ADAMTS19: variants seen among roughly 807,000 people sequenced by gnomAD.
The protein encoded by ADAMTS19 is A disintegrin and metalloproteinase with thrombospondin motifs 19.
Under a neutral mutation model 153.3 loss-of-function variants are expected in ADAMTS19, and 93 were observed. The ratio of observed to expected loss-of-function variants is 0.61; its 90% confidence interval spans 0.51 to 0.72. The LOEUF (loss-of-function observed/expected upper bound fraction) is 0.72. ADAMTS19 is among the 30% of genes least tolerant of loss of function. The probability of loss-of-function intolerance (pLI) is 0.00; values close to 1 mark genes in which losing one functional copy is unlikely to be tolerated. For missense variants in ADAMTS19, 1,482 were observed against 1,552.1 expected (o/e 0.95, Z 0.76); for synonymous variants, 600 against 556.6 (o/e 1.08, Z -1.10).
chr5:129,714,810 G>C (rs1003179437), intron 21 of ADAMTS19, among the ~76,000 whole-genome samples: 2 of 152,096 alleles, frequency 1.3e-5, no homozygotes, highest in Non-Finnish European at 2.9e-5. Context: ...TTTAACAAAA[G>C]ATTTTCCTTA....
intron 7 of ADAMTS19, among the ~76,000 whole-genome samples, chr5:129,595,784 CATT>C (rs1183502793): frequency 6.6e-6 from 1 of 151,978 alleles, no homozygotes; most frequent in Non-Finnish European, 1.5e-5. Flanking sequence ...TTGAAAATAA[CATT>C]ATAACTTACA....
chr5:129,654,445 CAAA>C lies in ADAMTS19; in HGVS notation c.2304+21_2304+23del. 2 of 1,207,566 alleles carry C rather than the reference CAAA, an allele frequency of 1.7e-6. No individual in the cohort carries two copies. Among genetic ancestry groups the C allele is most frequent in the Non-Finnish European group, 1.1e-6 (1 of 888,068 alleles). The allele number at this position is 1,207,566 out of a possible 1,614,324, so 74.8% of individuals were successfully genotyped here. A position where few individuals can be genotyped will look rare whatever the true frequency, so the allele number is the denominator to read the frequency against. Reference sequence around the variant, plus strand: ...ATGGCAGGTGCCAGGTAAGACATTCCAAAAAAAAAAAGAATTTATATGTTGAAG... The same window carrying C: ...ATGGCAGGTGCCAGGTAAGACATTCCAAAAAAAAGAATTTATATGTTGAAG... On this transcript the variant is annotated intron_variant, in intron 14 of 22. Coordinates refer to ENST00000274487, the MANE Select transcript of ADAMTS19 (RefSeq NM_133638.6).
At chr5:129,609,902 T>C (rs1751111805) in intron 8 of ADAMTS19, among the ~76,000 whole-genome samples, 1 of 152,154 alleles carries the variant, frequency 6.6e-6, no homozygotes, top group African/African-American at 2.4e-5. Context: ...CATGTCACAG[T>C]TTCTCTGTGT....
At chr5:129,708,376 T>C (rs532324792) in intron 21 of ADAMTS19, among the ~76,000 whole-genome samples, 3 of 152,246 alleles carry the variant, frequency 2.0e-5, no homozygotes, top group South Asian at 4.1e-4. Flanking sequence ...CGGATCTTTC[T>C]TGGGAGAAAA....
rs6595908 is a variant in ADAMTS19 at position 129,527,778 on chromosome 5, A to G, written c.1117A>G (p.Ser373Gly). The G allele has an allele frequency of 1, 1,588,807 of 1,595,670 alleles. 790,997 individuals carry two copies. The highest frequency in any genetic ancestry group is 1 in the East Asian group (44,484 of 44,484). ...TAACCTTTTCCAACACAAGAGTCTG[A>G]GTGTGCAGGTCAATCTTCGTGTGAT... ...VFNLFQHKSL[S>G]VQVNLRVIKL... The change falls in exon 5 of 23, where the codon AGT becomes GGT. Residue 373 changes from serine to glycine, a missense_variant. Ser to Gly is a moderately conservative substitution (Grantham distance 56, BLOSUM62 0). Transcript: ENST00000274487.
chr5:129,548,196 G>A (rs1196485864), intron 6 of ADAMTS19, among the ~76,000 whole-genome samples: 1 of 150,048 alleles, frequency 6.7e-6, no homozygotes. Flanking sequence ...AAACTAAAGA[G>A]CTTCTGCACA....
intron 10 of ADAMTS19, among the ~76,000 whole-genome samples, chr5:129,625,598 A>G (rs1193810079): frequency 6.6e-6 from 1 of 152,100 alleles, no homozygotes; most frequent in Non-Finnish European, 1.5e-5. Context: ...GGCCAGTGAT[A>G]ATGAGCATTT....
intron 16 of ADAMTS19, among the ~76,000 whole-genome samples, chr5:129,672,786 G>T (rs1383812184): frequency 6.7e-6 from 1 of 148,982 alleles, no homozygotes; most frequent in Non-Finnish European, 1.5e-5. Context: ...TACTAAGTTG[G>T]TTGGCATGTG....
chr5:129,593,897 C>A (rs1750257975), intron 7 of ADAMTS19, among the ~76,000 whole-genome samples: 1 of 152,140 alleles, frequency 6.6e-6, no homozygotes. Context: ...AGTGGCTGTT[C>A]TAATCTTTGA....
chr5:129,713,327 C>T (rs1207702131), intron 21 of ADAMTS19, among the ~76,000 whole-genome samples: 1 of 152,096 alleles, frequency 6.6e-6, no homozygotes, highest in African/African-American at 2.4e-5. Context: ...AATATGTGTT[C>T]ATCAACTACT....
At chr5:129,651,217 C>G (rs1478019506) in intron 13 of ADAMTS19, among the ~76,000 whole-genome samples, 1 of 152,150 alleles carries the variant, frequency 6.6e-6, no homozygotes, top group African/African-American at 2.4e-5. Flanking sequence ...ACGTCTTCAA[C>G]TAGATTTTCC....
intron 2 of ADAMTS19, among the ~76,000 whole-genome samples, chr5:129,503,414 A>G (rs1268026677): frequency 6.6e-6 from 1 of 152,248 alleles, no homozygotes; most frequent in Non-Finnish European, 1.5e-5. Context: ...ATTTTATTTG[A>G]ATATATCATA....
intron 6 of ADAMTS19, among the ~76,000 whole-genome samples, chr5:129,535,264 C>G (rs1752372054): frequency 6.6e-6 from 1 of 152,098 alleles, no homozygotes; most frequent in Non-Finnish European, 1.5e-5. Flanking sequence ...TTCTTATACA[C>G]CAATAGCAGA....
At chr5:129,603,423 T>C (rs1208030674) in intron 8 of ADAMTS19, among the ~76,000 whole-genome samples, 2 of 152,214 alleles carry the variant, frequency 1.3e-5, no homozygotes, top group African/African-American at 4.8e-5. Flanking sequence ...TCTTAGATTA[T>C]TTTGTTATAT....
In ADAMTS19 at chr5:129,522,328, C is replaced by CAT. The variant is rs1302441781; in HGVS notation, c.914-3955_914-3954insTA. ...ATATATATATATATACACACACACA[C>CAT]ACACATATATATATATATATATATA... On this transcript the variant is annotated intron_variant, in intron 3 of 22. Transcript: ENST00000274487. 7.1e-3 allele frequency among the ~76,000 whole-genome samples: 628 copies of CAT among 87,992 alleles called. 3 individuals carry two copies. The highest frequency in any genetic ancestry group is 9.3e-3 in the South Asian group (24 of 2,578). The allele number at this position is 87,992 out of a possible 152,430, so 57.7% of individuals were successfully genotyped here. A position where few individuals can be genotyped will look rare whatever the true frequency, so the allele number is the denominator to read the frequency against.
chr5:129,661,659 A>T (rs987285350), intron 15 of ADAMTS19, among the ~76,000 whole-genome samples: 14 of 152,210 alleles, frequency 9.2e-5, no homozygotes, highest in African/African-American at 3.1e-4. Context: ...TTTCCTTAAT[A>T]CTTTATCATG....
intron 6 of ADAMTS19, among the ~76,000 whole-genome samples, chr5:129,535,041 A>G (rs1194365506): frequency 6.6e-6 from 1 of 152,188 alleles, no homozygotes; most frequent in Non-Finnish European, 1.5e-5. Context: ...CCTATTCAAC[A>G]TAGTGTTGGA....
At chr5:129,711,546 G>A (rs1013477639) in intron 21 of ADAMTS19, among the ~76,000 whole-genome samples, 20 of 152,118 alleles carry the variant, frequency 1.3e-4, no homozygotes, top group African/African-American at 7.2e-5. Context: ...GCGTGGCAGC[G>A]GGTGCCTGTA....
At chr5:129,702,747 CA>C (rs1755937670) in intron 20 of ADAMTS19, among the ~76,000 whole-genome samples, 1 of 151,536 alleles carries the variant, frequency 6.6e-6, no homozygotes, top group African/African-American at 2.4e-5. Flanking sequence ...CACCGCAACC[CA>C]ATCAAAACAT....
Sources: gnomAD v4.1 joint callset for allele counts (sites outside exome capture counted in the v4.1 genomes callset) on GRCh38, gnomAD v4.1.1 for gene constraint, MANE v1.5 for transcripts, NCBI Gene and HGNC (gene_info 2026-07-23, HGNC 2026-07-21) for gene names.